The following OTUD7A variants were observed in gnomAD, a reference collection of about 807,000 sequenced individuals.
The protein encoded by OTUD7A is OTU deubiquitinase 7A.
OTUD7A carries 12 observed loss-of-function variants against 65.7 expected under a neutral mutation model. The observed-to-expected ratio is 0.18, with a 90% CI of 0.12 to 0.30. The LOEUF (loss-of-function observed/expected upper bound fraction) is 0.30, where lower values mean the gene tolerates loss of function less well. OTUD7A is among the 10% of genes least tolerant of loss of function. OTUD7A has a pLI of 1.00. For missense variants in OTUD7A, 1,148 were observed against 1,304.8 expected (o/e 0.88, Z 1.85); for synonymous variants, 641 against 586.3 (o/e 1.09, Z -1.35).
At chr15:31,578,579 T>C (rs573452982) in intron 3 of OTUD7A, among the ~76,000 whole-genome samples, 12 of 149,748 alleles carry the variant, frequency 8.0e-5, no homozygotes, top group Non-Finnish European at 1.5e-4. Flanking sequence ...TGAGACAGAG[T>C]CTCACTTTGT....
chr15:31,654,427 C>G (rs1161540338), intron 3 of OTUD7A, among the ~76,000 whole-genome samples: 1 of 151,510 alleles, frequency 6.6e-6, no homozygotes, highest in Non-Finnish European at 1.5e-5. Flanking sequence ...TTGTGACTTA[C>G]AATTCTTGAC....
intron 1 of OTUD7A, among the ~76,000 whole-genome samples, chr15:31,862,770 C>T (rs1897778968): frequency 1.3e-5 from 2 of 152,200 alleles, no homozygotes; most frequent in Admixed American, 6.5e-5. Context: ...CTGGCCCCTC[C>T]AAATTTCATG....
intron 1 of OTUD7A, among the ~76,000 whole-genome samples, chr15:31,825,488 G>T (rs1376975535): frequency 1.3e-5 from 2 of 152,202 alleles, no homozygotes; most frequent in African/African-American, 4.8e-5. Context: ...ATCTCCCACT[G>T]GGTCCCTCCC....
intron 1 of OTUD7A, among the ~76,000 whole-genome samples, chr15:31,758,177 A>G (rs1449685659): frequency 6.6e-6 from 1 of 152,170 alleles, no homozygotes; most frequent in East Asian, 1.9e-4. Context: ...CCTCCTCTTA[A>G]ACACATATAA....
intron 1 of OTUD7A, among the ~76,000 whole-genome samples, chr15:31,719,570 C>G (rs1208051142): frequency 6.6e-6 from 1 of 152,220 alleles, no homozygotes; most frequent in African/African-American, 2.4e-5. Context: ...TCCTCTGCTA[C>G]TATCCTCAAG....
chr15:31,619,758 T>C (rs1890716280), intron 3 of OTUD7A, among the ~76,000 whole-genome samples: 3 of 79,618 alleles, frequency 3.8e-5, no homozygotes, highest in South Asian at 2.9e-4. Context: ...ATACCCTTTA[T>C]TTCTTTCTCC....
At chr15:31,585,369 G>A (rs1410588848) in intron 3 of OTUD7A, among the ~76,000 whole-genome samples, 2 of 152,230 alleles carry the variant, frequency 1.3e-5, no homozygotes, top group African/African-American at 4.8e-5. Flanking sequence ...GAATACTGAG[G>A]TTAGCTGCGA....
intron 3 of OTUD7A, among the ~76,000 whole-genome samples, chr15:31,591,218 C>T (rs2141198005): frequency 6.6e-6 from 1 of 152,046 alleles, no homozygotes; most frequent in East Asian, 1.9e-4. Flanking sequence ...GATTTGGTGG[C>T]TTAACAAGGA....
rs189779988 is a variant in OTUD7A at position 31,812,343 on chromosome 15, G to A, written c.-100+58164C>T. On this transcript the variant is annotated intron_variant, in intron 1 of 12. Coordinates refer to ENST00000307050, the MANE Select transcript of OTUD7A (RefSeq NM_001382637.1). Reference sequence around the variant, plus strand: ...ACGGCATCAACTGCCCTTCAGCTACGCCTTCCAAGGGTGGCCACATTAGCC... The same window carrying A: ...ACGGCATCAACTGCCCTTCAGCTACACCTTCCAAGGGTGGCCACATTAGCC... Among the ~76,000 whole-genome samples the A allele has an allele frequency of 3.3e-5, 5 of 152,274 alleles. No homozygotes were observed. In the East Asian group the frequency reaches 5.8e-4, roughly 18 times the overall value.
intron 3 of OTUD7A, among the ~76,000 whole-genome samples, chr15:31,644,688 A>G (rs1401909676): frequency 6.6e-6 from 1 of 152,276 alleles, no homozygotes; most frequent in South Asian, 2.1e-4. Context: ...TATGTTGTTC[A>G]GGCTGGTCTT....
chr15:31,728,716 C>T (rs983227692), intron 1 of OTUD7A, among the ~76,000 whole-genome samples: 2 of 152,356 alleles, frequency 1.3e-5, no homozygotes, highest in South Asian at 2.1e-4. Context: ...ATTATCTCAA[C>T]GAAGTCCCAC....
At chr15:31,732,058 C>T (rs1484730723) in intron 1 of OTUD7A, among the ~76,000 whole-genome samples, 2 of 152,178 alleles carry the variant, frequency 1.3e-5, no homozygotes, top group African/African-American at 4.8e-5. Flanking sequence ...AAGCTCTCTC[C>T]TCTGTCTTCC....
At chr15:31,495,894 C>T (rs895437943) in intron 10 of OTUD7A, among the ~76,000 whole-genome samples, 6 of 151,944 alleles carry the variant, frequency 3.9e-5, no homozygotes, top group Admixed American at 2.0e-4. Flanking sequence ...GGAGAAACAC[C>T]GTCTGTACCA....
rs200515947 is a variant in OTUD7A at position 31,484,327 on chromosome 15, G to C, written c.1769C>G (p.Pro590Arg). The change falls in exon 13 of 13, where the codon CCG (proline) becomes CGG (arginine). Residue 590 changes from proline (P) to arginine (R), a missense_variant. Around this residue, in one of 6 missense-constraint regions of OTUD7A, gnomAD observed 842 missense variants for 769.5 expected, o/e 1.09. Coordinates refer to ENST00000307050, the MANE Select transcript of OTUD7A (RefSeq NM_001382637.1). The surrounding 1 kb of genome is among the most constrained non-coding windows in gnomAD (Gnocchi z 4.5). ...EESGASASTS[P>R]SEKTTPSPTD... ...GGGCGACGGCGTGGTCTTTTCCGAC[G>C]GCGACGTGCTGGCCGACGCACCAGA... is the stretch of plus-strand genomic sequence containing the variant. 6.3e-7 allele frequency: 1 copy of C among 1,599,268 alleles called. No individual in the cohort carries two copies. The highest frequency in any genetic ancestry group is 8.5e-7 in the Non-Finnish European group (1 of 1,178,596).
intron 1 of OTUD7A, among the ~76,000 whole-genome samples, chr15:31,737,725 C>T (rs1046610334): frequency 3.9e-5 from 6 of 152,180 alleles, no homozygotes; most frequent in Non-Finnish European, 7.3e-5. Context: ...CAGCATGCTT[C>T]TCAGCAGGAA....
chr15:31,670,919 C>G (rs1211950664), intron 1 of OTUD7A, among the ~76,000 whole-genome samples: 2 of 151,624 alleles, frequency 1.3e-5, no homozygotes, highest in African/African-American at 4.9e-5. Flanking sequence ...GGCATGAACC[C>G]GGGAGGCGGA....
chr15:31,863,940 A>G (rs1897811677), intron 1 of OTUD7A, among the ~76,000 whole-genome samples: 1 of 152,190 alleles, frequency 6.6e-6, no homozygotes, highest in South Asian at 2.1e-4. Context: ...CATCTTTTGA[A>G]TGTTTTGCTG....
At chr15:31,839,468 T>C (rs1427838833) in intron 1 of OTUD7A, among the ~76,000 whole-genome samples, 1 of 152,128 alleles carries the variant, frequency 6.6e-6, no homozygotes, top group African/African-American at 2.4e-5. Context: ...ACAATCTTAT[T>C]TTAAACTCTA....
intron 1 of OTUD7A, among the ~76,000 whole-genome samples, chr15:31,735,655 T>A (rs1283337402): frequency 6.6e-6 from 1 of 152,176 alleles, no homozygotes; most frequent in Non-Finnish European, 1.5e-5. Flanking sequence ...AGTGTGGTGA[T>A]TTCTCAAAGA....
Sources: allele counts gnomAD v4.1 joint callset (sites outside exome capture counted in the v4.1 genomes callset), GRCh38; gene constraint gnomAD v4.1.1; regional missense constraint gnomAD v4.1.1; non-coding constraint Gnocchi (gnomAD v3.1); transcripts MANE v1.5; gene names NCBI Gene and HGNC (gene_info 2026-07-23, HGNC 2026-07-21).